CAB39: variants seen among roughly 807,000 people sequenced by gnomAD.
The protein encoded by CAB39 is calcium-binding protein 39.
A neutral mutation model predicts 40.0 loss-of-function variants in CAB39; 8 were observed. That is an observed-to-expected ratio of 0.20 (90% confidence interval 0.12 to 0.36). The LOEUF is 0.36. Ranked by LOEUF, CAB39 falls within the 10% of genes least tolerant of loss-of-function variation. The pLI is 1.00. For missense variants in CAB39, 270 were observed against 401.1 expected (o/e 0.67, Z 2.79); for synonymous variants, 156 against 141.6 (o/e 1.10, Z -0.72).
chr2:230,733,344 C>T (rs537680180), intron 1 of CAB39, among the ~76,000 whole-genome samples: 7 of 152,066 alleles, frequency 4.6e-5, no homozygotes, highest in South Asian at 4.2e-4. Flanking sequence ...GTAAGGCTGT[C>T]GTATCAGGTC....
intron 4 of CAB39, among the ~76,000 whole-genome samples, chr2:230,795,743 T>C (rs551991864): frequency 6.6e-6 from 1 of 152,332 alleles, no homozygotes; most frequent in African/African-American, 2.4e-5. Context: ...GATTCTGTTA[T>C]TTCTTCTTCA....
chr2:230,715,105 A>T (rs546361853), intron 1 of CAB39, among the ~76,000 whole-genome samples: 1 of 152,252 alleles, frequency 6.6e-6, no homozygotes, highest in East Asian at 1.9e-4. Context: ...TCTTTGCATA[A>T]TGAAATATAT....
chr2:230,735,298 C>G (rs1315786477), intron 1 of CAB39, among the ~76,000 whole-genome samples: 2 of 151,616 alleles, frequency 1.3e-5, no homozygotes, highest in African/African-American at 4.9e-5. Context: ...TCCTGAGCAG[C>G]TGGGATTACA....
intron 5 of CAB39, among the ~76,000 whole-genome samples, chr2:230,809,023 T>TATGTGACA (rs1696254848): frequency 6.6e-6 from 1 of 152,100 alleles, no homozygotes; most frequent in Non-Finnish European, 1.5e-5. Context: ...CACAAACCAG[T>TATGTGACA]GTAGAGTCAC....
At chr2:230,736,785 A>G (rs1268797697) in intron 1 of CAB39, among the ~76,000 whole-genome samples, 1 of 152,074 alleles carries the variant, frequency 6.6e-6, no homozygotes, top group Non-Finnish European at 1.5e-5. Context: ...CCTGAGTTCA[A>G]GTTTAAGGTA....
At chr2:230,802,286 C>G (rs1201321425) in intron 5 of CAB39, among the ~76,000 whole-genome samples, 1 of 152,122 alleles carries the variant, frequency 6.6e-6, no homozygotes, top group African/African-American at 2.4e-5. Context: ...AAATTTATAG[C>G]ACTAAATGCC....
chr2:230,755,848 T>C (rs949432187), intron 1 of CAB39, among the ~76,000 whole-genome samples: 1 of 152,208 alleles, frequency 6.6e-6, no homozygotes, highest in Non-Finnish European at 1.5e-5. Flanking sequence ...TGGATTGTTA[T>C]GGTGAAATAT....
At position 230,748,813 on chromosome 2, in the gene CAB39, G is replaced by GAAAAA. The variant is rs759314442; in HGVS notation, c.-43-11131_-43-11127dup. On this transcript the variant is annotated intron_variant, in intron 1 of 8. Transcript: ENST00000258418. ...TAGAGTGAGATTCTATTTCCAAAAAGAAAAAAAAAAAAAAAAAAATATATA... is the reference window on the plus strand; with the variant it reads ...TAGAGTGAGATTCTATTTCCAAAAAGAAAAAAAAAAAAAAAAAAAAAAAATATATA... Among the ~76,000 whole-genome samples, 97 of 31,762 alleles carry GAAAAA rather than the reference G, an allele frequency of 3.1e-3. 4 individuals are homozygous for GAAAAA. Among genetic ancestry groups the GAAAAA allele is most frequent in the Non-Finnish European group, 3.4e-3 (58 of 17,108 alleles). The allele number at this position is 31,762 out of a possible 152,430, so 20.8% of individuals were successfully genotyped here.
At chr2:230,720,183 A>G (rs1029625846) in intron 1 of CAB39, among the ~76,000 whole-genome samples, 66 of 152,272 alleles carry the variant, frequency 4.3e-4, no homozygotes, top group East Asian at 1.9e-4. Context: ...GGGAAGGAAA[A>G]ACATTAACAA....
intron 2 of CAB39, among the ~76,000 whole-genome samples, chr2:230,783,314 C>T (rs1227683161): frequency 6.6e-6 from 1 of 152,218 alleles, no homozygotes; most frequent in Admixed American, 6.5e-5. Context: ...AGTGCTGTAA[C>T]TCTTTGTTAG....
intron 2 of CAB39, among the ~76,000 whole-genome samples, chr2:230,765,761 A>G (rs575913044): frequency 6.6e-6 from 1 of 152,140 alleles, no homozygotes; most frequent in Non-Finnish European, 1.5e-5. Flanking sequence ...TAGTTAGTAC[A>G]GGCTAGAGAT....
chr2:230,776,730 A>C (rs1471261850), intron 2 of CAB39, among the ~76,000 whole-genome samples: 3 of 149,120 alleles, frequency 2.0e-5, no homozygotes, highest in Admixed American at 6.7e-5. Context: ...TCGCTCTGTC[A>C]CCCAGGCTGG....
intron 1 of CAB39, among the ~76,000 whole-genome samples, chr2:230,742,862 C>T (rs1443992862): frequency 6.6e-6 from 1 of 152,138 alleles, no homozygotes. Flanking sequence ...AAATGGCTGC[C>T]TTCATGGACT....
At chr2:230,783,161 A>C (rs558426440) in intron 2 of CAB39, among the ~76,000 whole-genome samples, 1 of 152,044 alleles carries the variant, frequency 6.6e-6, no homozygotes. Flanking sequence ...CACCAGATGC[A>C]GTAGTTGGCT....
intron 2 of CAB39, among the ~76,000 whole-genome samples, chr2:230,767,030 C>T (rs1052150708): frequency 7.2e-5 from 11 of 152,194 alleles, no homozygotes; most frequent in African/African-American, 2.2e-4. Flanking sequence ...TTCAGAGGTA[C>T]AAGAATTACC....
chr2:230,770,983 C>T (rs994620985), intron 2 of CAB39, among the ~76,000 whole-genome samples: 8 of 152,130 alleles, frequency 5.3e-5, no homozygotes, highest in Admixed American at 1.3e-4. Flanking sequence ...ATCAAGAAGA[C>T]GACAGGGATA....
chr2:230,791,184 T>C, intron 3 of CAB39, 148 bp downstream of exon 3: 1 of 590,984 alleles, frequency 1.7e-6, no homozygotes, highest in Non-Finnish European at 2.8e-6. Context: ...GCTGCCTGCC[T>C]GATTAGCAGA....
intron 1 of CAB39, among the ~76,000 whole-genome samples, chr2:230,727,393 TGTGTG>T (rs1694602204): frequency 6.7e-6 from 1 of 149,060 alleles, no homozygotes; most frequent in Admixed American, 6.7e-5. Flanking sequence ...TGTGTGTGTG[TGTGTG>T]TATTTTTTTT....
intron 5 of CAB39, among the ~76,000 whole-genome samples, chr2:230,799,858 C>T (rs1323013343): frequency 6.6e-6 from 1 of 151,924 alleles, no homozygotes; most frequent in African/African-American, 2.4e-5. Context: ...GGCGTAGTGG[C>T]GCATGCCTGT....
Sources: allele counts gnomAD v4.1 joint callset (sites outside exome capture counted in the v4.1 genomes callset), GRCh38; gene constraint gnomAD v4.1.1; transcripts MANE v1.5; gene names NCBI Gene and HGNC (gene_info 2026-07-23, HGNC 2026-07-21).